Variants in CTNND2 observed in about 807,000 individuals in gnomAD.
CTNND2 encodes catenin delta 2.
In CTNND2, 22 loss-of-function variants were observed where a neutral mutation model predicts 144.4. That is an observed-to-expected ratio of 0.15 (90% CI 0.11 to 0.22). The LOEUF (loss-of-function observed/expected upper bound fraction) is 0.22, where lower values mean the gene tolerates loss of function less well. Ranked by LOEUF, CTNND2 falls within the 10% of genes least tolerant of loss-of-function variation. The probability of loss-of-function intolerance (pLI) is 1.00; values close to 1 mark genes in which losing one functional copy is unlikely to be tolerated. For synonymous variants in CTNND2, 751 were observed against 695.6 expected (o/e 1.08, Z -1.25); for missense variants, 1,353 against 1,618.8 (o/e 0.84, Z 2.82).
chr5:11,158,360 G>A (rs1758424457), intron 12 of CTNND2, among the ~76,000 whole-genome samples: 1 of 152,196 alleles, frequency 6.6e-6, no homozygotes, highest in Non-Finnish European at 1.5e-5. Context: ...CAGAATTTAA[G>A]GGGTTATGAA....
intron 3 of CTNND2, among the ~76,000 whole-genome samples, chr5:11,470,976 A>AT (rs1458067855): frequency 3.2e-5 from 3 of 95,184 alleles, no homozygotes; most frequent in South Asian, 3.3e-4. Context: ...ATATATATAT[A>AT]TATATTTTTT....
At chr5:11,573,762 A>C (rs1777760401) in intron 2 of CTNND2, among the ~76,000 whole-genome samples, 1 of 152,144 alleles carries the variant, frequency 6.6e-6, no homozygotes, top group Non-Finnish European at 1.5e-5. Flanking sequence ...AATCATAAGC[A>C]CCTTTCCAGA....
intron 3 of CTNND2, among the ~76,000 whole-genome samples, chr5:11,484,792 T>C (rs1211733600): frequency 6.6e-6 from 1 of 152,054 alleles, no homozygotes; most frequent in African/African-American, 2.4e-5. Context: ...CTATGTAAAA[T>C]AGCAAACAAG....
intron 1 of CTNND2, among the ~76,000 whole-genome samples, chr5:11,885,702 C>CA (rs1396614604): frequency 2.0e-5 from 3 of 152,156 alleles, no homozygotes; most frequent in African/African-American, 7.2e-5. Context: ...TTGAACATTT[C>CA]ATCCAACAGC....
intron 2 of CTNND2, among the ~76,000 whole-genome samples, chr5:11,620,494 C>T (rs529377527): frequency 6.6e-6 from 1 of 152,342 alleles, no homozygotes; most frequent in African/African-American, 2.4e-5. Flanking sequence ...TTCCTTCATA[C>T]AGAAAGCCAA....
At chr5:11,262,504 T>G (rs537742848) in intron 9 of CTNND2, among the ~76,000 whole-genome samples, 2 of 152,264 alleles carry the variant, frequency 1.3e-5, no homozygotes, top group African/African-American at 4.8e-5. Flanking sequence ...GGCTCACGCC[T>G]GTAATTCCAG....
intron 2 of CTNND2, among the ~76,000 whole-genome samples, chr5:11,714,261 G>T (rs79439978): frequency 1.2e-4 from 19 of 152,172 alleles, no homozygotes; most frequent in African/African-American, 4.3e-4. Context: ...AAAAACAAAT[G>T]CCTCAACACC....
intron 2 of CTNND2, among the ~76,000 whole-genome samples, chr5:11,715,836 A>G (rs1786320661): frequency 6.6e-6 from 1 of 152,218 alleles, no homozygotes; most frequent in Admixed American, 6.5e-5. Flanking sequence ...ATGACAAAAA[A>G]CAAAATCAAA....
intron 3 of CTNND2, among the ~76,000 whole-genome samples, chr5:11,460,704 T>C (rs1429120273): frequency 6.6e-6 from 1 of 152,108 alleles, no homozygotes. Context: ...CCCTTTCTTC[T>C]CCCTGGAGTG....
At chr5:11,093,406 A>T (rs1249160966) in intron 15 of CTNND2, among the ~76,000 whole-genome samples, 1 of 152,252 alleles carries the variant, frequency 6.6e-6, no homozygotes, top group Non-Finnish European at 1.5e-5. Context: ...AGGTAACTGA[A>T]GTCCATGTTG....
rs76300569 is a variant in CTNND2, at chr5:11,610,725, T to G, written c.175-45669A>C. 2.0e-4 allele frequency among the ~76,000 whole-genome samples: 31 copies of G among 152,310 alleles called. No homozygotes were observed. In the East Asian group the frequency reaches 6.0e-3, roughly 29 times the overall value. On this transcript the variant is annotated intron_variant, in intron 2 of 21. Transcript: ENST00000304623. ...GAGAGTTCTATTTATCTCTAAGCAG[T>G]GTGATCAATTCATATTTCAGCTATC...
intron 3 of CTNND2, among the ~76,000 whole-genome samples, chr5:11,427,347 G>T (rs1050599951): frequency 6.9e-6 from 1 of 145,658 alleles, no homozygotes; most frequent in Non-Finnish European, 1.5e-5. Context: ...GTGCCATCTC[G>T]GCTCACTGGA....
intron 6 of CTNND2, among the ~76,000 whole-genome samples, chr5:11,389,118 T>C (rs942177013): frequency 6.6e-5 from 10 of 152,236 alleles, no homozygotes; most frequent in African/African-American, 1.2e-4. Flanking sequence ...ATCTAGGCTG[T>C]TGGCAGAGAC....
In CTNND2 at chr5:11,417,600, T is replaced by C. The variant is rs1342988579; in HGVS notation, c.288-5531A>G. Among the ~76,000 whole-genome samples, 4 of 152,140 alleles carry C rather than the reference T, an allele frequency of 2.6e-5. No homozygotes were observed. In the South Asian group the frequency reaches 6.2e-4, roughly 24 times the overall value. On this transcript the variant is annotated intron_variant, in intron 3 of 21. Transcript: ENST00000304623. ...TGAGGAATAAAAATTAAACACAAGA[T>C]AACTCCTCATACACCACAAACTGTC...
At chr5:11,827,450 T>G (rs1793661783) in intron 1 of CTNND2, among the ~76,000 whole-genome samples, 1 of 151,702 alleles carries the variant, frequency 6.6e-6, no homozygotes, top group South Asian at 2.1e-4. Flanking sequence ...AAGATAGAAA[T>G]CAATGAAGTT....
At chr5:11,423,992 A>G (rs1762572332) in intron 3 of CTNND2, among the ~76,000 whole-genome samples, 1 of 152,148 alleles carries the variant, frequency 6.6e-6, no homozygotes, top group Non-Finnish European at 1.5e-5. Context: ...ATGTACAACA[A>G]TTTTTTGTGG....
chr5:11,025,870 A>G (rs1450381959), intron 16 of CTNND2, among the ~76,000 whole-genome samples: 1 of 152,160 alleles, frequency 6.6e-6, no homozygotes, highest in African/African-American at 2.4e-5. Flanking sequence ...CTCTCCTTCT[A>G]CTGTTTCAGG....
At chr5:11,790,412 G>T (rs1282541937) in intron 1 of CTNND2, among the ~76,000 whole-genome samples, 1 of 151,796 alleles carries the variant, frequency 6.6e-6, no homozygotes, top group Admixed American at 6.6e-5. Flanking sequence ...GATTGAGCAT[G>T]GGCTTTTGAG....
rs1221221921 is a variant in CTNND2 at position 11,597,825 on chromosome 5, G to GT, written c.175-32770dup. On this transcript the variant is annotated intron_variant, in intron 2 of 21. Coordinates refer to ENST00000304623, the MANE Select transcript of CTNND2 (RefSeq NM_001332.4). ...TGGGCTCAAGTGATTCGTCTGCTCC[G>GT]TACTGAGACTATGGGCATGAGCCAC... Among the ~76,000 whole-genome samples, 22 of 152,168 alleles carry GT rather than the reference G, an allele frequency of 1.4e-4. 1 individual carries two copies. In the East Asian group the frequency reaches 4.1e-3, roughly 28 times the overall value.
Sources: gnomAD v4.1 joint callset for allele counts (sites outside exome capture counted in the v4.1 genomes callset) on GRCh38, gnomAD v4.1.1 for gene constraint, MANE v1.5 for transcripts, NCBI Gene and HGNC (gene_info 2026-07-23, HGNC 2026-07-21) for gene names.